Variants in NEBL observed in about 807,000 individuals in gnomAD.
The protein encoded by NEBL is LIM and SH3 protein 2.
In NEBL, 122 loss-of-function variants were observed where a neutral mutation model predicts 140.2. The observed-to-expected ratio is 0.87, with a 90% CI of 0.75 to 1.01. The LOEUF (loss-of-function observed/expected upper bound fraction) is 1.01, where lower values mean the gene tolerates loss of function less well. NEBL is among the 50% of genes least tolerant of loss of function. The pLI is 0.00. For missense variants in NEBL, 1,365 were observed against 1,231.3 expected (o/e 1.11, Z -1.62); for synonymous variants, 436 against 398.9 (o/e 1.09, Z -1.11).
At chr10:21,118,007 C>T (rs949925255) in intron 2 of NEBL, among the ~76,000 whole-genome samples, 10 of 152,098 alleles carry the variant, frequency 6.6e-5, no homozygotes, top group African/African-American at 2.4e-4. Context: ...TCACTCCTAG[C>T]ACAGAATAAT....
intron 2 of NEBL, among the ~76,000 whole-genome samples, chr10:21,094,879 C>G (rs757164044): frequency 6.6e-6 from 1 of 152,158 alleles, no homozygotes; most frequent in Non-Finnish European, 1.5e-5. Flanking sequence ...AGACTAGAAC[C>G]CTCTCGTCAT....
At chr10:20,967,310 G>T (rs1232973304) in intron 3 of NEBL, among the ~76,000 whole-genome samples, 1 of 152,124 alleles carries the variant, frequency 6.6e-6, no homozygotes, top group Non-Finnish European at 1.5e-5. Flanking sequence ...GAAACATTAC[G>T]CTGAGGGGAG....
chr10:21,012,293 G>T (rs920098299), intron 3 of NEBL, among the ~76,000 whole-genome samples: 4 of 152,122 alleles, frequency 2.6e-5, no homozygotes, highest in Non-Finnish European at 5.9e-5. Flanking sequence ...TGTGAAGCAG[G>T]ATGGCAGAGC....
intron 2 of NEBL, among the ~76,000 whole-genome samples, chr10:21,027,364 G>A (rs757560439): frequency 2.0e-5 from 3 of 147,640 alleles, no homozygotes; most frequent in Non-Finnish European, 4.5e-5. Context: ...GTCTCACTCT[G>A]TCACCTAGGC....
intron 2 of NEBL, among the ~76,000 whole-genome samples, chr10:21,094,259 T>C (rs1474371513): frequency 6.6e-6 from 1 of 151,936 alleles, no homozygotes; most frequent in Non-Finnish European, 1.5e-5. Flanking sequence ...TCCCAGCACT[T>C]TGGGAGGCCG....
At chr10:20,842,283 C>T (rs938098673) in intron 12 of NEBL, among the ~76,000 whole-genome samples, 1 of 152,066 alleles carries the variant, frequency 6.6e-6, no homozygotes, top group Non-Finnish European at 1.5e-5. Flanking sequence ...TCATTTATTT[C>T]GTGGTGTGAC....
rs553144595 is a variant in NEBL, at chr10:20,796,693, A to G, written c.2762-9385T>C. Among the ~76,000 whole-genome samples, 8 of 152,278 alleles carry G rather than the reference A, an allele frequency of 5.3e-5. No individual in the cohort carries two copies. The South Asian group carries it at 1.2e-3, about 24-fold the overall frequency. Reference sequence around the variant, plus strand: ...CTAGCCCATTTACTTCTACATTTAGATTCGAATTGCCACTTCCATTTTTTT... The same window carrying G: ...CTAGCCCATTTACTTCTACATTTAGGTTCGAATTGCCACTTCCATTTTTTT... On this transcript the variant is annotated intron_variant, in intron 26 of 27. Transcript: ENST00000377122.
At chr10:20,956,469 C>G (rs924642977) in intron 4 of NEBL, among the ~76,000 whole-genome samples, 1 of 152,102 alleles carries the variant, frequency 6.6e-6, no homozygotes, top group Non-Finnish European at 1.5e-5. Flanking sequence ...CAGATAAGGT[C>G]TAGTCCACTA....
At chr10:20,999,611 AAAAAAG>A (rs1299334492) in intron 3 of NEBL, among the ~76,000 whole-genome samples, 1 of 152,098 alleles carries the variant, frequency 6.6e-6, no homozygotes, top group African/African-American at 2.4e-5. Flanking sequence ...CTCACAAAAG[AAAAAAG>A]AAAAAGAAAT....
chr10:20,855,858 T>G (rs549837362), intron 9 of NEBL, among the ~76,000 whole-genome samples: 3 of 152,202 alleles, frequency 2.0e-5, no homozygotes, highest in African/African-American at 7.2e-5. Context: ...ATAGCTACTG[T>G]GACAAATGGA....
rs1182854253 is a variant in NEBL, at chr10:20,846,137, C to T, written c.1117-769G>A. Among the ~76,000 whole-genome samples, 4 of 152,080 alleles carry T rather than the reference C, an allele frequency of 2.6e-5. No individual in the cohort carries two copies. The East Asian group carries it at 5.8e-4, about 22-fold the overall frequency. Reference sequence around the variant, plus strand: ...TCTCTAAATTCTAACATTTGAACTACACATTTGAAAAATCAGTGATAATGC... The same window carrying T: ...TCTCTAAATTCTAACATTTGAACTATACATTTGAAAAATCAGTGATAATGC... On this transcript the variant is annotated intron_variant, in intron 11 of 27. Coordinates refer to ENST00000377122, the MANE Select transcript of NEBL (RefSeq NM_006393.3).
At chr10:21,179,719 T>C (rs1306951249), upstream of NEBL, among the ~76,000 whole-genome samples, 2 of 137,532 alleles carry the variant, frequency 1.5e-5, no homozygotes, top group African/African-American at 6.6e-5. Context: ...GGGAAAGAGA[T>C]GTGACAAAAA....
Position 21,132,386 on chromosome 10 carries a change from A to G in NEBL, c.164+39997T>C, listed in dbSNP as rs574282810. 7.2e-5 allele frequency among the ~76,000 whole-genome samples: 11 copies of G among 152,294 alleles called. 1 individual carries two copies. In the South Asian group the frequency reaches 2.1e-3, roughly 29 times the overall value. On this transcript the variant is annotated intron_variant, in intron 2 of 6. Transcript: ENST00000417816. ...CCATACTTTGTTTATCTACTCGTCA[A>G]TTAGTGGACATTTGGGTTGTTTCCA...
intron 2 of NEBL, among the ~76,000 whole-genome samples, chr10:21,117,123 G>T: frequency 6.6e-6 from 1 of 151,982 alleles, no homozygotes; most frequent in Non-Finnish European, 1.5e-5. Flanking sequence ...TTGCTCTTAA[G>T]CTCTGCCAAG....
intron 4 of NEBL, among the ~76,000 whole-genome samples, chr10:20,909,742 G>A (rs904461059): frequency 2.0e-5 from 3 of 151,940 alleles, no homozygotes; most frequent in Admixed American, 6.6e-5. Flanking sequence ...AGAGTATTAG[G>A]AGAAATTCAC....
intron 4 of NEBL, among the ~76,000 whole-genome samples, chr10:20,942,182 C>T (rs1834906949): frequency 6.6e-6 from 1 of 152,198 alleles, no homozygotes; most frequent in Non-Finnish European, 1.5e-5. Flanking sequence ...TACCTGACTT[C>T]AAACTATACT....
At chr10:21,068,820 T>G (rs1344609696) in intron 2 of NEBL, among the ~76,000 whole-genome samples, 3 of 152,232 alleles carry the variant, frequency 2.0e-5, no homozygotes, top group Non-Finnish European at 4.4e-5. Context: ...TTTTTAAAGC[T>G]TGAAATATTT....
At chr10:21,056,344 A>G (rs1421170821) in intron 2 of NEBL, among the ~76,000 whole-genome samples, 1 of 152,218 alleles carries the variant, frequency 6.6e-6, no homozygotes, top group African/African-American at 2.4e-5. Flanking sequence ...TAATTCAACC[A>G]AATAATGAAT....
intron 4 of NEBL, among the ~76,000 whole-genome samples, chr10:20,930,362 T>C (rs566902446): frequency 3.9e-5 from 6 of 152,232 alleles, no homozygotes; most frequent in African/African-American, 1.4e-4. Context: ...TCCATTTCTA[T>C]GGCCACCAGC....
Sources: gnomAD v4.1 joint callset for allele counts (sites outside exome capture counted in the v4.1 genomes callset) on GRCh38, gnomAD v4.1.1 for gene constraint, MANE v1.5 for transcripts, NCBI Gene and HGNC (gene_info 2026-07-23, HGNC 2026-07-21) for gene names.